Variants in DNAAF11 observed in about 807,000 individuals in gnomAD.
The protein encoded by DNAAF11 is dynein axonemal assembly factor 11, also known as leucine rich repeat containing 6.
A neutral mutation model predicts 60.8 loss-of-function variants in DNAAF11; 45 were observed. The ratio of observed to expected loss-of-function variants is 0.74; its 90% confidence interval spans 0.58 to 0.95. The LOEUF is 0.95. Among genes scored for constraint, DNAAF11 ranks in the 40% least tolerant of loss-of-function variants. DNAAF11 has a pLI of 0.00. For missense variants in DNAAF11, 546 were observed against 546.2 expected, an observed-to-expected ratio of 1.00 and a Z score of 0.00; for synonymous variants, 191 against 183.5, an observed-to-expected ratio of 1.04 and a Z score of -0.33.
chr8:132,666,129 G>C (rs896533156), intron 1 of DNAAF11, among the ~76,000 whole-genome samples: 7 of 152,134 alleles, frequency 4.6e-5, no homozygotes, highest in African/African-American at 1.7e-4. Flanking sequence ...GTTGAAAAAC[G>C]ACCTACTGGC....
chr8:132,580,598 G>GA (rs1267073042), intron 11 of DNAAF11, among the ~76,000 whole-genome samples: 3 of 151,622 alleles, frequency 2.0e-5, no homozygotes, highest in Admixed American at 2.0e-4. Flanking sequence ...CAGCAACAGA[G>GA]AAAAAAATAA....
intron 3 of DNAAF11, among the ~76,000 whole-genome samples, chr8:132,648,082 T>C (rs1235606501): frequency 1.3e-5 from 2 of 152,156 alleles, no homozygotes; most frequent in Admixed American, 6.5e-5. Context: ...GCCAATATCC[T>C]TGATTAATAT....
At chr8:132,656,932 A>G in intron 2 of DNAAF11, 25 bp from the exon 3 acceptor site, 1 of 867,234 alleles carries the variant, frequency 1.2e-6, no homozygotes, top group Non-Finnish European at 1.8e-6. Context: ...AATGTAGTTA[A>G]GATAATTAAT....
At position 132,643,252 on chromosome 8, in the gene DNAAF11, A is replaced by G. The variant is rs371876049; in HGVS notation, c.257-5145T>C. ...TCTTTGCCAGTGTTAGCCATTTATTATTAAAATATCATCATCATCTTCACC... is the reference window on the plus strand; with the variant it reads ...TCTTTGCCAGTGTTAGCCATTTATTGTTAAAATATCATCATCATCTTCACC... On this transcript the variant is annotated intron_variant, in intron 3 of 11. Coordinates refer to ENST00000620350, the MANE Select transcript of DNAAF11 (RefSeq NM_012472.6). The G allele has an allele frequency of 3.4e-5, 6 of 173,994 alleles. No homozygotes were observed. The East Asian group carries it at 5.8e-4, about 17-fold the overall frequency. 10.8% of individuals were successfully genotyped at this position (173,994 alleles called of 1,614,324 possible). A position where few individuals can be genotyped will look rare whatever the true frequency, so the allele number is the denominator to read the frequency against.
At chr8:132,593,063 A>G (rs1816628828) in intron 10 of DNAAF11, among the ~76,000 whole-genome samples, 1 of 151,960 alleles carries the variant, frequency 6.6e-6, no homozygotes, top group African/African-American at 2.4e-5. Flanking sequence ...GAAAGTGAAC[A>G]TTTAAGGAAT....
At position 132,632,752 on chromosome 8, in the gene DNAAF11, A is replaced by T; in HGVS notation, c.641T>A (p.Ile214Asn). ...AGFDGRWYTD[I>N]NATLSSLESK... The stretch of plus-strand genomic sequence containing the variant: ...ATAATTTACATACAGAGTAGCATTG[A>T]TGTCTGTGTACCAACGTCCATCAAA... Residue 214 changes from isoleucine (I) to asparagine (N), a missense_variant, in exon 5 of 12, where the codon ATC (isoleucine) becomes AAC (asparagine). Coordinates refer to ENST00000620350, the MANE Select transcript of DNAAF11 (RefSeq NM_012472.6). The T allele has an allele frequency of 6.2e-7, 1 of 1,609,510 alleles. No individual in the cohort carries two copies. Among genetic ancestry groups the T allele is most frequent in the East Asian group, 2.2e-5 (1 of 44,828 alleles).
Position 132,656,863 on chromosome 8 carries a change from A to G in DNAAF11, c.223T>C (p.Leu75=). Residue 75 remains leucine (L), a synonymous_variant, in exon 3 of 12, where the codon TTA becomes CTA. Transcript: ENST00000620350. ...LKKLEYLNLA[L]NNIEKIENLE... ...TTTTCTATTTTTTCAATGTTGTTTA[A>G]AGCTAAATTCAAATATTCAAGTTTC... The G allele has an allele frequency of 7.2e-7, 1 of 1,380,066 alleles. No individual in the cohort carries two copies. The highest frequency in any genetic ancestry group is 1.0e-6 in the Non-Finnish European group (1 of 983,974). 85.5% of individuals were successfully genotyped at this position (1,380,066 alleles called of 1,614,324 possible). A position where few individuals can be genotyped will look rare whatever the true frequency, so the allele number is the denominator to read the frequency against.
intron 3 of DNAAF11, among the ~76,000 whole-genome samples, chr8:132,641,881 T>C (rs922639554): frequency 6.6e-6 from 1 of 152,218 alleles, no homozygotes; most frequent in African/African-American, 2.4e-5. Flanking sequence ...ATGATGGTTA[T>C]GAAAACGATC....
At chr8:132,626,348 G>C (rs1820283589) in intron 5 of DNAAF11, among the ~76,000 whole-genome samples, 1 of 152,190 alleles carries the variant, frequency 6.6e-6, no homozygotes, top group South Asian at 2.1e-4. Flanking sequence ...ACCGCACCCA[G>C]CCGGCACTTT....
At chr8:132,607,819 TCA>T (rs201014842) in intron 10 of DNAAF11, among the ~76,000 whole-genome samples, 4 of 151,754 alleles carry the variant, frequency 2.6e-5, no homozygotes, top group East Asian at 3.9e-4. Flanking sequence ...TATTAAACGG[TCA>T]CACACACACA....
intron 10 of DNAAF11, among the ~76,000 whole-genome samples, chr8:132,586,516 G>A (rs1241753112): frequency 6.6e-6 from 1 of 152,164 alleles, no homozygotes; most frequent in African/African-American, 2.4e-5. Context: ...TCTTCTTCAG[G>A]TGTGAACGAC....
chr8:132,599,317 A>G (rs1182991255), intron 10 of DNAAF11, among the ~76,000 whole-genome samples: 1 of 152,172 alleles, frequency 6.6e-6, no homozygotes, highest in Admixed American at 6.5e-5. Context: ...AGGACCAGAA[A>G]GATTCACAGC....
chr8:132,605,457 A>C (rs1818035334), intron 10 of DNAAF11, among the ~76,000 whole-genome samples: 1 of 152,210 alleles, frequency 6.6e-6, no homozygotes, highest in South Asian at 2.1e-4. Context: ...CATGTTCTAA[A>C]TATTAAAATG....
At chr8:132,687,799 C>T in the DNAAF11 span, 1 of 418,394 alleles carries the variant, frequency 2.4e-6, no homozygotes, top group South Asian at 1.8e-5. Context: ...TTGATATTGA[C>T]CTGCATTAAC....
chr8:132,659,048 G>C (rs1823869499), intron 2 of DNAAF11, among the ~76,000 whole-genome samples: 1 of 152,108 alleles, frequency 6.6e-6, no homozygotes, highest in Admixed American at 6.5e-5. Context: ...CCTCAGCTTG[G>C]CCCAGGCATG....
upstream of DNAAF11, among the ~76,000 whole-genome samples, chr8:132,679,963 G>A (rs1392881161): frequency 6.6e-6 from 1 of 152,164 alleles, no homozygotes; most frequent in Non-Finnish European, 1.5e-5. Context: ...AGCTTTGGAT[G>A]ATAAAGCAGG....
At chr8:132,698,971 C>CAA in the DNAAF11 span, among the ~76,000 whole-genome samples, 39 of 142,424 alleles carry the variant, frequency 2.7e-4, 1 homozygote, top group South Asian at 2.6e-3. Flanking sequence ...CACACACACA[C>CAA]AAAAAAAATT....
At chr8:132,699,275 G>T in the DNAAF11 span, among the ~76,000 whole-genome samples, 1 of 152,012 alleles carries the variant, frequency 6.6e-6, no homozygotes, top group African/African-American at 2.4e-5. Context: ...GAGGAAGTTG[G>T]CCCTGAGAAG....
chr8:132,691,451 A>G, the DNAAF11 span, among the ~76,000 whole-genome samples: 1 of 152,114 alleles, frequency 6.6e-6, no homozygotes, highest in Admixed American at 6.5e-5. Flanking sequence ...TTCTCCAAGG[A>G]TCCTTGGTTT....
Sources: allele counts gnomAD v4.1 joint callset (sites outside exome capture counted in the v4.1 genomes callset), GRCh38; gene constraint gnomAD v4.1.1; transcripts MANE v1.5; gene names NCBI Gene and HGNC (gene_info 2026-07-23, HGNC 2026-07-21).